The following DMGDH variants were observed in gnomAD, a reference collection of about 807,000 sequenced individuals.
The protein encoded by DMGDH is dimethylglycine dehydrogenase, also known as dimethylglycine dehydrogenase, mitochondrial.
In DMGDH, 76 loss-of-function variants were observed where a neutral mutation model predicts 95.2. That is an observed-to-expected ratio of 0.80 (90% CI 0.66 to 0.97). The LOEUF (loss-of-function observed/expected upper bound fraction) is 0.97. Ranked by LOEUF, DMGDH falls within the 50% of genes least tolerant of loss-of-function variation. DMGDH has a pLI of 0.00. For synonymous variants in DMGDH, 345 were observed against 377.6 expected (o/e 0.91, Z 1.00); for missense variants, 987 against 1,055.0 (o/e 0.94, Z 0.89).
At chr5:79,035,195 A>C (rs1754313919) in intron 7 of DMGDH, among the ~76,000 whole-genome samples, 1 of 152,164 alleles carries the variant, frequency 6.6e-6, no homozygotes, top group Admixed American at 6.5e-5. Context: ...AAGCAAGAAA[A>C]ATTATTAAAT....
rs779238318 is a variant in DMGDH, at chr5:79,005,382, G to A, written c.2276C>T (p.Ala759Val). The change falls in exon 15 of 16, where the codon GCA (alanine) becomes GTA (valine). Residue 759 changes from alanine to valine, a missense_variant. Coordinates refer to ENST00000255189, the MANE Select transcript of DMGDH (RefSeq NM_013391.3). ...CCCCTTGGCTTTAATCTGTTTCAGT[G>A]CTTGCTTTCCTATGAAGTCTGCTGG... ...NKPADFIGKQ[A>V]LKQIKAKGLK... is the part of the protein sequence containing the mutation. 1 of 1,614,074 alleles carries A rather than the reference G, an allele frequency of 6.2e-7. No homozygotes were observed. The highest frequency in any genetic ancestry group is 1.1e-5 in the South Asian group (1 of 91,048).
Position 79,044,385 on chromosome 5 carries a change from C to A in DMGDH, c.913G>T (p.Asp305Tyr). The stretch of plus-strand genomic sequence containing the variant: ...TCATATGGACCAAACAAAAGCCCAT[C>A]CCTTTCCTGTCGGAGATAATATGAT... ...EGSYYLRQER[D>Y]GLLFGPYESQ... The change falls in exon 6 of 16, where the codon GAT becomes TAT. Residue 305 changes from aspartate to tyrosine, a missense_variant. By Grantham distance (160) the Asp-to-Tyr change is radical. Transcript: ENST00000255189. The A allele has an allele frequency of 6.2e-7, 1 of 1,614,184 alleles. No individual in the cohort carries two copies. The highest frequency in any genetic ancestry group is 8.5e-7 in the Non-Finnish European group (1 of 1,180,016).
At chr5:79,051,573 T>C in intron 4 of DMGDH, 82 bp from the exon 5 acceptor site, 2 of 1,316,782 alleles carry the variant, frequency 1.5e-6, no homozygotes, top group Non-Finnish European at 2.1e-6. Flanking sequence ...AGTAAACGTT[T>C]AGTAAAACTG....
chr5:79,059,132 CTT>C (rs1755120649), intron 2 of DMGDH, among the ~76,000 whole-genome samples: 2 of 152,142 alleles, frequency 1.3e-5, no homozygotes, highest in Non-Finnish European at 2.9e-5. Context: ...CTCAAAAACA[CTT>C]TTTATTTTAT....
At chr5:79,028,352 G>T in intron 12 of DMGDH, 81 bp downstream of exon 12, 1 of 1,218,882 alleles carries the variant, frequency 8.2e-7, no homozygotes, top group Non-Finnish European at 1.2e-6. Flanking sequence ...CTTGTGACAT[G>T]ACCTTTTAAT....
At chr5:79,048,941 A>G (rs1754757534) in intron 5 of DMGDH, among the ~76,000 whole-genome samples, 1 of 152,188 alleles carries the variant, frequency 6.6e-6, no homozygotes, top group Non-Finnish European at 1.5e-5. Flanking sequence ...ACTTCCCACA[A>G]GTTTCAGCAA....
Position 79,035,293 on chromosome 5 carries a change from A to G in DMGDH, c.1194-1885T>C, listed in dbSNP as rs751265143. On this transcript the variant is annotated intron_variant, in intron 7 of 15. Transcript: ENST00000255189. The stretch of plus-strand genomic sequence containing the variant: ...ATCAAGTACCATTTTTGAGAGCTAT[A>G]TTGTTGATAAGACTTGAAGGCTTAT... 4.7e-4 allele frequency among the ~76,000 whole-genome samples: 71 copies of G among 152,270 alleles called. 1 individual carries two copies. The highest frequency in any genetic ancestry group is 3.4e-3 in the Middle Eastern group (1 of 292).
intron 15 of DMGDH, chr5:79,001,125 C>A: frequency 1.8e-6 from 1 of 565,418 alleles, no homozygotes. Flanking sequence ...AGCCATGTAG[C>A]CCTGGAAGCA....
intron 15 of DMGDH, among the ~76,000 whole-genome samples, chr5:79,003,872 G>A (rs796707448): frequency 3.9e-5 from 6 of 152,180 alleles, no homozygotes; most frequent in East Asian, 3.9e-4. Flanking sequence ...ACTTGAACCC[G>A]GGAAGCGGAG....
rs546861575 is a variant in DMGDH, at chr5:79,066,594, A to G, written c.102-2807T>C. Among the ~76,000 whole-genome samples, 4 of 152,092 alleles carry G rather than the reference A, an allele frequency of 2.6e-5. No homozygotes were observed. The South Asian group carries it at 8.3e-4, about 32-fold the overall frequency. ...CAGGTGTGAGCCACCACGCCCGGCC[A>G]GTACTAGCCAGTTATTTTATAGAAC... On this transcript the variant is annotated intron_variant, in intron 1 of 15. Coordinates refer to ENST00000255189, the MANE Select transcript of DMGDH (RefSeq NM_013391.3).
At chr5:79,002,809 G>C (rs780730586) in intron 15 of DMGDH, among the ~76,000 whole-genome samples, 1 of 152,112 alleles carries the variant, frequency 6.6e-6, no homozygotes, top group Non-Finnish European at 1.5e-5. Flanking sequence ...CTCTGAAAAA[G>C]GATCAAAAAG....
chr5:79,042,245 A>G, intron 7 of DMGDH, 38 bp downstream of exon 7: 1 of 1,579,186 alleles, frequency 6.3e-7, no homozygotes, highest in Non-Finnish European at 8.7e-7. Context: ...AAAATAAGTG[A>G]TTCTACAATA....
chr5:79,069,647 C>G lies in DMGDH; in HGVS notation c.-27G>C. ...ACTAGGCCGAGGCCGAGGGCGCAGG[C>G]GCCTGCTCCGAGGCCAGCGGGCAGC... is the stretch of plus-strand genomic sequence containing the variant. On this transcript the variant is annotated 5_prime_UTR_variant, in exon 1 of 16. Coordinates refer to ENST00000255189, the MANE Select transcript of DMGDH (RefSeq NM_013391.3). 1 of 1,323,206 alleles carries G rather than the reference C, an allele frequency of 7.6e-7. No individual in the cohort carries two copies. Among genetic ancestry groups the G allele is most frequent in the South Asian group, 2.2e-5 (1 of 45,338 alleles). The allele number at this position is 1,323,206 out of a possible 1,614,324, so 82.0% of individuals were successfully genotyped here. A position where few individuals can be genotyped will look rare whatever the true frequency, so the allele number is the denominator to read the frequency against.
In DMGDH at chr5:79,019,511, C is replaced by T. The variant is rs540377468; in HGVS notation, c.2250+4760G>A. ...TTAAAAAGGAACCATGGACCTTACA[C>T]CTAGAGAAAATCTAATTGATTTGGG... is the stretch of plus-strand genomic sequence containing the variant. On this transcript the variant is annotated intron_variant, in intron 14 of 15. Coordinates refer to ENST00000255189, the MANE Select transcript of DMGDH (RefSeq NM_013391.3). 3.3e-5 allele frequency among the ~76,000 whole-genome samples: 5 copies of T among 151,936 alleles called. No homozygotes were observed. The South Asian group carries it at 1.0e-3, about 32-fold the overall frequency.
At chr5:79,051,518 C>T (rs371556000) in intron 4 of DMGDH, 27 bp from the exon 5 acceptor site, 5 of 1,577,874 alleles carry the variant, frequency 3.2e-6, no homozygotes, top group African/African-American at 1.4e-5. Flanking sequence ...AGAGTCAATA[C>T]TCAAATATAT....
At position 79,051,400 on chromosome 5, in the gene DMGDH, GCAC is replaced by G. The variant is rs1754854809; in HGVS notation, c.629_631del (p.Gly210del). On this transcript the variant is annotated inframe_deletion, in exon 5 of 16. Transcript: ENST00000255189. ...TACTGGTGCAGGATATTTTAAAAGG[GCAC>G]CACATTTCCTAGCCCCAGCAGCCAG... 1 of 1,614,070 alleles carries G rather than the reference GCAC, an allele frequency of 6.2e-7. No individual in the cohort carries two copies. The highest frequency in any genetic ancestry group is 2.2e-5 in the East Asian group (1 of 44,880).
chr5:79,057,289 A>G (rs61423512), intron 2 of DMGDH, among the ~76,000 whole-genome samples: 10,811 of 152,232 alleles, frequency 0.071, 846 homozygotes, highest in African/African-American at 0.18. Context: ...TCTCTCAAAT[A>G]TCTGGGGCCT....
chr5:79,006,734 T>C (rs1050618972), intron 14 of DMGDH, among the ~76,000 whole-genome samples: 3 of 152,096 alleles, frequency 2.0e-5, no homozygotes, highest in African/African-American at 7.2e-5. Context: ...CCGCTAACAT[T>C]TAGGACTTAC....
intron 10 of DMGDH, among the ~76,000 whole-genome samples, chr5:79,030,306 A>G (rs1431468839): frequency 1.3e-5 from 2 of 152,166 alleles, no homozygotes; most frequent in Non-Finnish European, 2.9e-5. Flanking sequence ...CAATTAAGCA[A>G]AGTCATAAGG....
Sources: allele counts gnomAD v4.1 joint callset (sites outside exome capture counted in the v4.1 genomes callset), GRCh38; gene constraint gnomAD v4.1.1; transcripts MANE v1.5; gene names NCBI Gene and HGNC (gene_info 2026-07-23, HGNC 2026-07-21).